Variants in SYT10 observed in about 807,000 individuals in gnomAD.
SYT10 encodes the protein synaptotagmin-10.
In SYT10, 31 loss-of-function variants were observed where a neutral mutation model predicts 51.1. The ratio of observed to expected loss-of-function variants is 0.61; its 90% confidence interval spans 0.46 to 0.82. The LOEUF is 0.82. Among genes scored for constraint, SYT10 ranks in the 40% least tolerant of loss-of-function variants. The pLI, the probability that SYT10 is intolerant of heterozygous loss-of-function variation, is 0.00. For synonymous variants in SYT10, 233 were observed against 225.9 expected (o/e 1.03, Z -0.28); for missense variants, 603 against 634.0 (o/e 0.95, Z 0.53).
chr12:33,401,489 C>A (rs768717810), intron 3 of SYT10, among the ~76,000 whole-genome samples: 28 of 152,102 alleles, frequency 1.8e-4, no homozygotes, highest in Non-Finnish European at 3.5e-4. Flanking sequence ...AATTTCAAAA[C>A]AATTGCTACT....
chr12:33,406,834 G>C lies in SYT10; in HGVS notation c.1032C>G (p.Leu344=). The C allele has an allele frequency of 1.2e-6, 2 of 1,613,840 alleles. No homozygotes were observed. The highest frequency in any genetic ancestry group is 1.7e-6 in the Non-Finnish European group (2 of 1,179,988). Residue 344 remains leucine, a synonymous_variant, in exon 3 of 7, where the codon CTC becomes CTG. Coordinates refer to ENST00000228567, the MANE Select transcript of SYT10 (RefSeq NM_198992.4). ...CTTTCCATACTGTGGCTTCCCTGGA[G>C]AGATCAGAGACTTCAAACAAATTAT... ...ILDNLFEVSD[L]SREATVWKDI... is the part of the protein sequence containing the mutation.
intron 4 of SYT10, among the ~76,000 whole-genome samples, chr12:33,383,079 T>C (rs1287859437): frequency 1.3e-5 from 2 of 152,234 alleles, no homozygotes; most frequent in Admixed American, 1.3e-4. Flanking sequence ...TGTTGACAAG[T>C]TCTGCTACAG....
chr12:33,388,986 A>G (rs552449502), intron 3 of SYT10, among the ~76,000 whole-genome samples: 79 of 152,356 alleles, frequency 5.2e-4, no homozygotes, highest in African/African-American at 1.9e-3. Flanking sequence ...CTCCATAACT[A>G]GAAGGTCTAT....
Position 33,439,763 on chromosome 12 carries a change from C to A in SYT10, c.-241G>T. 1 of 516,892 alleles carries A rather than the reference C, an allele frequency of 1.9e-6. No homozygotes were observed. The highest frequency in any genetic ancestry group is 3.4e-6 in the Non-Finnish European group (1 of 294,896). The allele number at this position is 516,892 out of a possible 1,614,324, so 32.0% of individuals were successfully genotyped here. On this transcript the variant is annotated 5_prime_UTR_variant, in exon 1 of 7. Transcript: ENST00000228567. ...GCGGCTGCCGCGAGGTTTGCGCCAA[C>A]TCTCCCGCCGCGCGAGCGAGCCGAG...
intron 2 of SYT10, among the ~76,000 whole-genome samples, chr12:33,416,412 C>A (rs950106972): frequency 6.6e-6 from 1 of 152,110 alleles, no homozygotes; most frequent in African/African-American, 2.4e-5. Context: ...CTACCACACC[C>A]ATCTCTGAAG....
chr12:33,397,343 A>G (rs578250103), intron 3 of SYT10, among the ~76,000 whole-genome samples: 9 of 152,254 alleles, frequency 5.9e-5, no homozygotes, highest in Non-Finnish European at 1.3e-4. Flanking sequence ...TGTCATGACC[A>G]CTAGGACTTA....
intron 3 of SYT10, among the ~76,000 whole-genome samples, chr12:33,395,246 T>C (rs1456482385): frequency 6.6e-6 from 1 of 152,232 alleles, no homozygotes; most frequent in Non-Finnish European, 1.5e-5. Context: ...GAAAATCAGA[T>C]ACTTGATTTA....
intron 2 of SYT10, 26 bp downstream of exon 2, chr12:33,426,109 CCAG>C: frequency 6.5e-7 from 1 of 1,547,178 alleles, no homozygotes; most frequent in Non-Finnish European, 8.7e-7. Flanking sequence ...CGCACACACA[CCAG>C]TTTTATATAT....
intron 1 of SYT10, among the ~76,000 whole-genome samples, chr12:33,427,286 T>C (rs1866561048): frequency 6.6e-6 from 1 of 152,090 alleles, no homozygotes; most frequent in Non-Finnish European, 1.5e-5. Context: ...TGTGAGGGCA[T>C]AGCAAGAAGG....
Position 33,421,470 on chromosome 12 carries a change from T to C in SYT10, c.509+4668A>G, listed in dbSNP as rs553860819. Among the ~76,000 whole-genome samples, 8 of 152,334 alleles carry C rather than the reference T, an allele frequency of 5.3e-5. No individual in the cohort carries two copies. The East Asian group carries it at 1.4e-3, about 26-fold the overall frequency. On this transcript the variant is annotated intron_variant, in intron 2 of 6. Transcript: ENST00000228567. ...TAAATTCAAAGAAAATTGGTTCTCA[T>C]ACTCATCTGTGAGAATACTATCATT...
chr12:33,419,473 A>G (rs1866482127), intron 2 of SYT10, among the ~76,000 whole-genome samples: 1 of 152,228 alleles, frequency 6.6e-6, no homozygotes, highest in Non-Finnish European at 1.5e-5. Context: ...TTATTTAAAG[A>G]GATAGCTAAA....
intron 1 of SYT10, among the ~76,000 whole-genome samples, chr12:33,429,235 A>T (rs1010308424): frequency 6.6e-6 from 1 of 152,214 alleles, no homozygotes; most frequent in African/African-American, 2.4e-5. Flanking sequence ...ATAGTTCTGG[A>T]TGCCAGTAAG....
chr12:33,390,918 T>C (rs12579354), intron 3 of SYT10, among the ~76,000 whole-genome samples: 50,791 of 151,940 alleles, frequency 0.33, 9,386 homozygotes, highest in East Asian at 0.75. Flanking sequence ...TAATGTTAAA[T>C]TACGTTTTTT....
At chr12:33,383,637 C>A (rs61142783) in intron 4 of SYT10, among the ~76,000 whole-genome samples, 31,663 of 151,992 alleles carry the variant, frequency 0.21, 4,106 homozygotes, top group Non-Finnish European at 0.29. Context: ...TGTGTTTGAG[C>A]CCACAGGCCT....
intron 1 of SYT10, among the ~76,000 whole-genome samples, chr12:33,431,013 C>T (rs183571647): frequency 1.1e-3 from 165 of 152,266 alleles, no homozygotes; most frequent in African/African-American, 3.3e-3. Flanking sequence ...AAACAGGCCA[C>T]GGCAGATTTA....
intron 6 of SYT10, among the ~76,000 whole-genome samples, chr12:33,379,057 A>T (rs1866090837): frequency 6.6e-6 from 1 of 152,140 alleles, no homozygotes; most frequent in South Asian, 2.1e-4. Flanking sequence ...TTTGTGACTA[A>T]ACTGAGATTA....
chr12:33,411,481 T>G (rs2138419645), intron 2 of SYT10, among the ~76,000 whole-genome samples: 1 of 152,174 alleles, frequency 6.6e-6, no homozygotes, highest in African/African-American at 2.4e-5. Context: ...TGATATATTT[T>G]ATTGGAAATG....
intron 2 of SYT10, among the ~76,000 whole-genome samples, chr12:33,422,938 T>C (rs1439780588): frequency 1.3e-5 from 2 of 152,184 alleles, no homozygotes; most frequent in African/African-American, 4.8e-5. Flanking sequence ...GAAAGATACG[T>C]TGACTATACC....
intron 4 of SYT10, among the ~76,000 whole-genome samples, chr12:33,384,215 T>A (rs1429215921): frequency 6.6e-6 from 1 of 152,182 alleles, no homozygotes; most frequent in African/African-American, 2.4e-5. Context: ...TATGAATACA[T>A]ATTCCAAATT....
Sources: allele counts gnomAD v4.1 joint callset (sites outside exome capture counted in the v4.1 genomes callset), GRCh38; gene constraint gnomAD v4.1.1; transcripts MANE v1.5; gene names NCBI Gene and HGNC (gene_info 2026-07-23, HGNC 2026-07-21).